The following SLC26A4 variants were observed in gnomAD, a reference collection of about 807,000 sequenced individuals.
SLC26A4 encodes solute carrier family 26 member 4.
SLC26A4 carries 93 observed loss-of-function variants against 90.4 expected under a neutral mutation model. The ratio of observed to expected loss-of-function variants is 1.03; its 90% CI spans 0.87 to 1.22. SLC26A4 has a LOEUF of 1.22. Ranked by LOEUF, SLC26A4 falls within the 50% of genes most tolerant of loss-of-function variation. SLC26A4 has a pLI of 0.00. For missense variants in SLC26A4, 1,127 were observed against 946.2 expected (o/e 1.19, Z -2.51); for synonymous variants, 393 against 354.6 (o/e 1.11, Z -1.22).
At chr7:107,665,365 A>C (rs1179895956) in intron 3 of SLC26A4, among the ~76,000 whole-genome samples, 1 of 152,166 alleles carries the variant, frequency 6.6e-6, no homozygotes, top group Non-Finnish European at 1.5e-5. Context: ...CATGTTCTTA[A>C]TCACAAAGGT....
chr7:107,683,332 C>T lies in SLC26A4; in HGVS notation c.896C>T (p.Pro299Leu). ...CGGTTTAGACACAAAATCCCAGTCC[C>T]TATTCCTATAGAAGTAATTGTGGTA... ...NDRFRHKIPVPIPIEVIVTII... is the reference protein window; with the variant it reads ...NDRFRHKIPVLIPIEVIVTII... The change falls in exon 7 of 21, where the codon CCT becomes CTT. Residue 299 changes from proline to leucine, a missense_variant. Physicochemically the swap from Pro to Leu is moderately conservative, Grantham distance 98. Coordinates refer to ENST00000644269, the MANE Select transcript of SLC26A4 (RefSeq NM_000441.2). 2 of 1,613,776 alleles carry T rather than the reference C, an allele frequency of 1.2e-6. No individual in the cohort carries two copies. The highest frequency in any genetic ancestry group is 1.7e-6 in the Non-Finnish European group (2 of 1,179,772).
chr7:107,685,515 A>T (rs1487140119), intron 8 of SLC26A4, among the ~76,000 whole-genome samples: 3 of 152,152 alleles, frequency 2.0e-5, no homozygotes, highest in African/African-American at 7.2e-5. Flanking sequence ...AGGGTCCATA[A>T]GTTAGGATCA....
intron 6 of SLC26A4, among the ~76,000 whole-genome samples, chr7:107,677,074 G>A (rs913648305): frequency 2.0e-5 from 3 of 152,162 alleles, no homozygotes; most frequent in Admixed American, 6.5e-5. Flanking sequence ...CTACTTGGGA[G>A]GCTGAGGTGA....
At chr7:107,692,167 G>A (rs2129316427) in intron 10 of SLC26A4, 1 of 1,002,620 alleles carries the variant, frequency 1.0e-6, no homozygotes, top group Non-Finnish European at 1.3e-6. Context: ...CCACATACTG[G>A]CATGTATTAT....
At chr7:107,669,552 CT>C (rs1790808918) in intron 3 of SLC26A4, among the ~76,000 whole-genome samples, 1 of 152,142 alleles carries the variant, frequency 6.6e-6, no homozygotes. Context: ...TTATTCCATG[CT>C]GTTGGGACTA....
Position 107,661,370 on chromosome 7 carries a change from C to A in SLC26A4, c.-3-269C>A. On this transcript the variant is annotated intron_variant, in intron 1 of 20. Coordinates refer to ENST00000644269, the MANE Select transcript of SLC26A4 (RefSeq NM_000441.2). This position sits in a 1 kb window ranked among gnomAD's most constrained non-coding sequence, Gnocchi z 5.1. ...ACTCGGGAAGCCCCCAGAGCAGGGG[C>A]TTACTCGCTTCAAGTTTGGGGAACC... 1.7e-6 allele frequency: 1 copy of A among 573,092 alleles called. No homozygotes were observed. Among genetic ancestry groups the A allele is most frequent in the South Asian group, 2.0e-5 (1 of 50,150 alleles). 35.5% of individuals were successfully genotyped at this position (573,092 alleles called of 1,614,324 possible).
At chr7:107,713,912 T>TTATTAGTATTAG (rs1792266134) in intron 20 of SLC26A4, among the ~76,000 whole-genome samples, 1 of 37,172 alleles carries the variant, frequency 2.7e-5, no homozygotes. Flanking sequence ...ATTATTAGTA[T>TTATTAGTATTAG]TATTATTATT....
intron 10 of SLC26A4, 111 bp from the exon 11 acceptor site, chr7:107,694,292 G>A (rs1456116365): frequency 2.5e-6 from 2 of 800,578 alleles, no homozygotes; most frequent in Non-Finnish European, 4.4e-6. Flanking sequence ...GGGGGAGACA[G>A]GGAAGTATGA....
rs141142414 is a variant in SLC26A4 at position 107,663,427 on chromosome 7, C to A, written c.296C>A (p.Thr99Lys). The change falls in exon 3 of 21, where the codon ACG (threonine) becomes AAG (lysine). Residue 99 changes from threonine to lysine, a missense_variant. Coordinates refer to ENST00000644269, the MANE Select transcript of SLC26A4 (RefSeq NM_000441.2). ...GGAGTTAGTACTGGGCTAGTGGCCA[C>A]GCTGCAAGGTAAGATGTTGGCAGAT... ...ISGVSTGLVA[T>K]LQGMAYALLA... 1 of 1,613,976 alleles carries A rather than the reference C, an allele frequency of 6.2e-7. No homozygotes were observed. The highest frequency in any genetic ancestry group is 1.7e-5 in the Admixed American group (1 of 60,010).
In SLC26A4 at chr7:107,666,020, T is replaced by C. The variant is rs576976456; in HGVS notation, c.304+2585T>C. Among the ~76,000 whole-genome samples, 325 of 152,316 alleles carry C rather than the reference T, an allele frequency of 2.1e-3. 4 individuals are homozygous for C. The highest frequency in any genetic ancestry group is 7.0e-3 in the African/African-American group (292 of 41,566). ...TTAATAAATATTTATAAACTAATTC[T>C]GTAGACCAGGTATCCAGCCATGTGC... On this transcript the variant is annotated intron_variant, in intron 3 of 20. Transcript: ENST00000644269.
chr7:107,697,924 A>G (rs796232576), intron 13 of SLC26A4, 118 bp from the exon 14 acceptor site: 72 of 729,500 alleles, frequency 9.9e-5, no homozygotes, highest in South Asian at 9.7e-4. Context: ...GTCATCTGCA[A>G]TAAAGACAGA....
chr7:107,703,440 A>G (rs1791953177), intron 17 of SLC26A4, among the ~76,000 whole-genome samples: 1 of 152,220 alleles, frequency 6.6e-6, no homozygotes, highest in Non-Finnish European at 1.5e-5. Context: ...TTGGCAAAAG[A>G]GTATGAGAAT....
At chr7:107,674,134 G>C (rs376747850) in intron 4 of SLC26A4, 30 bp from the exon 5 acceptor site, 79 of 1,598,572 alleles carry the variant, frequency 4.9e-5, no homozygotes, top group Non-Finnish European at 6.3e-5. Context: ...ATTAATAACT[G>C]ATTAATTGTT....
At chr7:107,676,583 G>A (rs1791030163) in intron 6 of SLC26A4, among the ~76,000 whole-genome samples, 1 of 152,100 alleles carries the variant, frequency 6.6e-6, no homozygotes, top group African/African-American at 2.4e-5. Context: ...GGTGATAATA[G>A]TAACATGATG....
At chr7:107,688,340 A>G (rs1230387448) in intron 8 of SLC26A4, among the ~76,000 whole-genome samples, 1 of 152,180 alleles carries the variant, frequency 6.6e-6, no homozygotes, top group Non-Finnish European at 1.5e-5. Context: ...GAATTATACC[A>G]TATGGATAGT....
At chr7:107,672,638 C>A (rs534719435) in intron 4 of SLC26A4, among the ~76,000 whole-genome samples, 4 of 151,994 alleles carry the variant, frequency 2.6e-5, no homozygotes, top group Non-Finnish European at 4.4e-5. Flanking sequence ...TTGAACCTAC[C>A]ATTTTACTGG....
Position 107,715,547 on chromosome 7 carries a change from T to C in SLC26A4, c.*101T>C, listed in dbSNP as rs1310081711. On this transcript the variant is annotated 3_prime_UTR_variant, in exon 21 of 21. Coordinates refer to ENST00000644269, the MANE Select transcript of SLC26A4 (RefSeq NM_000441.2). Reference sequence around the variant, plus strand: ...CTCAAAACACTCATTCTTTTTTCTATTAAGCCATTGAAAGAGAAGCACTAA... The same window carrying C: ...CTCAAAACACTCATTCTTTTTTCTACTAAGCCATTGAAAGAGAAGCACTAA... 4 of 930,540 alleles carry C rather than the reference T, an allele frequency of 4.3e-6. No homozygotes were observed. Among genetic ancestry groups the C allele is most frequent in the Non-Finnish European group, 7.2e-6 (4 of 555,644 alleles). 57.6% of individuals were successfully genotyped at this position (930,540 alleles called of 1,614,324 possible). A position where few individuals can be genotyped will look rare whatever the true frequency, so the allele number is the denominator to read the frequency against.
At chr7:107,662,108 G>T in intron 2 of SLC26A4, 1 of 476,960 alleles carries the variant, frequency 2.1e-6, no homozygotes, top group Non-Finnish European at 3.7e-6. Flanking sequence ...AGTGCCTCTT[G>T]GGGTACAGTG....
intron 20 of SLC26A4, 44 bp from the exon 21 acceptor site, chr7:107,715,379 G>A (rs1353736685): frequency 6.5e-7 from 1 of 1,539,780 alleles, no homozygotes; most frequent in South Asian, 1.1e-5. Flanking sequence ...GACTTAAGGA[G>A]AATTCAGTTG....
Sources: allele counts gnomAD v4.1 joint callset (sites outside exome capture counted in the v4.1 genomes callset), GRCh38; gene constraint gnomAD v4.1.1; non-coding constraint Gnocchi (gnomAD v3.1); transcripts MANE v1.5; gene names NCBI Gene and HGNC (gene_info 2026-07-23, HGNC 2026-07-21).